The following CPED1 variants were observed in gnomAD, a reference collection of about 807,000 sequenced individuals.
The protein encoded by CPED1 is cadherin like and PC-esterase domain containing 1.
CPED1 carries 114 observed loss-of-function variants against 128.2 expected under a neutral mutation model. That is an observed-to-expected ratio of 0.89 (90% CI 0.76 to 1.04). The LOEUF is 1.04. Ranked by LOEUF, CPED1 falls within the 50% of genes least tolerant of loss-of-function variation. The probability of loss-of-function intolerance (pLI) is 0.00; values close to 1 mark genes in which losing one functional copy is unlikely to be tolerated. For synonymous variants in CPED1, 462 were observed against 426.7 expected (o/e 1.08, Z -1.02); for missense variants, 1,211 against 1,207.1 (o/e 1.00, Z -0.05).
intron 16 of CPED1, among the ~76,000 whole-genome samples, chr7:121,162,773 G>C (rs183548766): frequency 2.9e-3 from 441 of 152,296 alleles, no homozygotes; most frequent in African/African-American, 9.4e-3. Context: ...GGCAACTGCA[G>C]GTTCTCTCAG....
chr7:121,075,092 G>A (rs896417421), intron 5 of CPED1, among the ~76,000 whole-genome samples: 1 of 152,130 alleles, frequency 6.6e-6, no homozygotes, highest in Non-Finnish European at 1.5e-5. Flanking sequence ...AGCATTTTCA[G>A]CATTACTAGA....
intron 22 of CPED1, among the ~76,000 whole-genome samples, chr7:121,281,523 A>G (rs1472014615): frequency 2.0e-5 from 3 of 152,094 alleles, no homozygotes; most frequent in African/African-American, 4.8e-5. Context: ...GGAAAGATCT[A>G]TAATTATAAA....
At chr7:121,214,493 C>T (rs539416653) in intron 16 of CPED1, among the ~76,000 whole-genome samples, 7 of 151,878 alleles carry the variant, frequency 4.6e-5, no homozygotes, top group South Asian at 2.1e-4. Flanking sequence ...GAGGTGTTGC[C>T]GTATTGGCTA....
intron 16 of CPED1, among the ~76,000 whole-genome samples, chr7:121,197,028 C>T (rs1045397109): frequency 2.0e-5 from 3 of 151,826 alleles, no homozygotes; most frequent in African/African-American, 7.3e-5. Context: ...GAATTGCACA[C>T]TAAAATAATG....
At chr7:121,102,143 A>G (rs1794865251) in intron 7 of CPED1, among the ~76,000 whole-genome samples, 2 of 151,828 alleles carry the variant, frequency 1.3e-5, no homozygotes, top group Admixed American at 1.3e-4. Context: ...GTTCTTTTTA[A>G]TGACTTCTTT....
At chr7:121,266,564 A>T (rs1792128836) in intron 19 of CPED1, 117 bp downstream of exon 19, 1 of 1,184,848 alleles carries the variant, frequency 8.4e-7, no homozygotes. Context: ...TTAGATACCA[A>T]GTAAGGCAGC....
intron 17 of CPED1, among the ~76,000 whole-genome samples, chr7:121,242,565 G>T (rs925435277): frequency 3.9e-5 from 6 of 152,010 alleles, no homozygotes; most frequent in African/African-American, 1.2e-4. Flanking sequence ...AGACATAAAG[G>T]TTAATTTATC....
At chr7:121,119,502 T>C (rs1188081825) in intron 7 of CPED1, among the ~76,000 whole-genome samples, 1 of 151,030 alleles carries the variant, frequency 6.6e-6, no homozygotes, top group Non-Finnish European at 1.5e-5. Context: ...AGGATGAAAT[T>C]CTGAGGTATT....
At chr7:121,250,034 C>T (rs1172085488) in intron 18 of CPED1, among the ~76,000 whole-genome samples, 1 of 152,210 alleles carries the variant, frequency 6.6e-6, no homozygotes, top group Non-Finnish European at 1.5e-5. Flanking sequence ...TTCAGCACCA[C>T]ACCATACCTA....
At position 121,295,555 on chromosome 7, in the gene CPED1, C is replaced by T; in HGVS notation, c.2984C>T (p.Thr995Ile). 2 of 1,614,064 alleles carry T rather than the reference C, an allele frequency of 1.2e-6. No homozygotes were observed. Among genetic ancestry groups the T allele is most frequent in the Non-Finnish European group, 1.7e-6 (2 of 1,179,926 alleles). The stretch of plus-strand genomic sequence containing the variant: ...AGCAAACTACAACAAGGCACTGTAA[C>T]AAATTTTCGATCGCCATATCATGTC... Reference protein sequence around the residue: ...NQSKLQQGTVTNFRSPYHVRG... With the variant: ...NQSKLQQGTVINFRSPYHVRG... The change falls in exon 23 of 23, where the codon ACA (threonine) becomes ATA (isoleucine). Residue 995 changes from threonine (T) to isoleucine (I), a missense_variant. Transcript: ENST00000310396.
At chr7:121,264,318 T>G (rs964221734) in intron 18 of CPED1, among the ~76,000 whole-genome samples, 4 of 152,106 alleles carry the variant, frequency 2.6e-5, no homozygotes, top group Non-Finnish European at 5.9e-5. Context: ...CATTCCTAAT[T>G]ATACAGTGTT....
intron 16 of CPED1, among the ~76,000 whole-genome samples, chr7:121,230,320 A>G (rs1382479921): frequency 6.6e-6 from 1 of 152,052 alleles, no homozygotes; most frequent in East Asian, 1.9e-4. Context: ...TGGCTTGGGC[A>G]CCGAATCTTC....
At chr7:121,045,345 A>G (rs1793170114) in intron 3 of CPED1, among the ~76,000 whole-genome samples, 1 of 152,188 alleles carries the variant, frequency 6.6e-6, no homozygotes, top group Non-Finnish European at 1.5e-5. Flanking sequence ...CTTGAGTTCA[A>G]TTGCCTGGAT....
intron 16 of CPED1, among the ~76,000 whole-genome samples, chr7:121,146,160 C>T (rs776189141): frequency 4.6e-5 from 7 of 152,002 alleles, no homozygotes; most frequent in Admixed American, 3.3e-4. Flanking sequence ...ATCAAAGCAC[C>T]GGCCTTTGGT....
At chr7:121,229,833 G>A (rs1308579140) in intron 16 of CPED1, among the ~76,000 whole-genome samples, 2 of 151,892 alleles carry the variant, frequency 1.3e-5, no homozygotes, top group African/African-American at 4.8e-5. Flanking sequence ...AGAAATGTGA[G>A]TGCTTCAAAA....
At position 121,162,175 on chromosome 7, in the gene CPED1, G is replaced by T. The variant is rs548347193; in HGVS notation, c.2055+20034G>T. Among the ~76,000 whole-genome samples the T allele has an allele frequency of 7.2e-4, 109 of 152,332 alleles. 1 individual carries two copies. The highest frequency in any genetic ancestry group is 2.5e-3 in the African/African-American group (102 of 41,572). Reference sequence around the variant, plus strand: ...AGAATTAGGCCAAGTGTAGGCAATAGGAACTGGTGAGGACTATGGCTAAGT... The same window carrying T: ...AGAATTAGGCCAAGTGTAGGCAATATGAACTGGTGAGGACTATGGCTAAGT... On this transcript the variant is annotated intron_variant, in intron 16 of 22. Coordinates refer to ENST00000310396, the MANE Select transcript of CPED1 (RefSeq NM_024913.5).
intron 7 of CPED1, among the ~76,000 whole-genome samples, chr7:121,108,680 A>G (rs575336255): frequency 6.6e-6 from 1 of 152,236 alleles, no homozygotes; most frequent in South Asian, 2.1e-4. Flanking sequence ...ATAAATATGC[A>G]AAGTACACAA....
rs146798313 is a variant in CPED1 at position 121,084,824 on chromosome 7, G to A, written c.617-12875G>A. Among the ~76,000 whole-genome samples, 287 of 152,274 alleles carry A rather than the reference G, an allele frequency of 1.9e-3. 1 individual carries two copies. The highest frequency in any genetic ancestry group is 6.6e-3 in the African/African-American group (275 of 41,552). On this transcript the variant is annotated intron_variant, in intron 5 of 22. Transcript: ENST00000310396. ...GTTGCACAGGGTGATACTCAGCATC[G>A]TAGCAGCTGTTGTGGTATGAGAATG...
intron 16 of CPED1, among the ~76,000 whole-genome samples, chr7:121,217,246 T>G (rs1797778956): frequency 6.6e-6 from 1 of 151,820 alleles, no homozygotes; most frequent in Non-Finnish European, 1.5e-5. Context: ...GCCTCCTCCT[T>G]TCCACAAGGG....
Sources: allele counts gnomAD v4.1 joint callset (sites outside exome capture counted in the v4.1 genomes callset), GRCh38; gene constraint gnomAD v4.1.1; transcripts MANE v1.5; gene names NCBI Gene and HGNC (gene_info 2026-07-23, HGNC 2026-07-21).